The following CTBP2 variants were observed in gnomAD, a reference collection of about 807,000 sequenced individuals.
CTBP2 encodes C-terminal-binding protein 2.
A neutral mutation model predicts 80.3 loss-of-function variants in CTBP2; 30 were observed. The observed-to-expected ratio is 0.37, with a 90% CI of 0.28 to 0.51. The LOEUF is 0.51. Among genes scored for constraint, CTBP2 ranks in the 20% least tolerant of loss-of-function variants. CTBP2 has a pLI of 0.93. For missense variants in CTBP2, 1,212 were observed against 1,375.3 expected (o/e 0.88, Z 1.88); for synonymous variants, 594 against 587.4 (o/e 1.01, Z -0.16).
chr10:124,995,019 T>C (rs1953278728), intron 4 of CTBP2, among the ~76,000 whole-genome samples: 1 of 152,218 alleles, frequency 6.6e-6, no homozygotes, highest in Admixed American at 6.5e-5. Flanking sequence ...TCACCACCCG[T>C]GTCCTCCGTT....
chr10:125,044,410 C>T (rs2135085213), intron 2 of CTBP2, among the ~76,000 whole-genome samples: 1 of 151,914 alleles, frequency 6.6e-6, no homozygotes, highest in Non-Finnish European at 1.5e-5. Flanking sequence ...CCAATGACTT[C>T]TGCCCAGAAA....
rs200960765 is a variant in CTBP2, at chr10:124,993,843, G to A, written c.2531+12C>T. The A allele has an allele frequency of 3.9e-5, 62 of 1,608,426 alleles. No individual in the cohort carries two copies. The highest frequency in any genetic ancestry group is 2.1e-4 in the Middle Eastern group (1 of 4,720). ...CTGTGGGCTCCTGGTAGGCGGCTGGGGCAACACGCACCTGAAGGGCTCTGA... is the reference window on the plus strand; with the variant it reads ...CTGTGGGCTCCTGGTAGGCGGCTGGAGCAACACGCACCTGAAGGGCTCTGA... On this transcript the variant is annotated intron_variant, in intron 6 of 8. Transcript: ENST00000309035.
chr10:125,159,285 C>T (rs1434978169), intron 1 of CTBP2, among the ~76,000 whole-genome samples: 7 of 149,896 alleles, frequency 4.7e-5, no homozygotes, highest in Non-Finnish European at 8.9e-5. Flanking sequence ...ATTCGCCCCA[C>T]CCGAAAAGTG....
At chr10:125,159,244 CCAGCCCCT>C in intron 1 of CTBP2, among the ~76,000 whole-genome samples, 1 of 150,742 alleles carries the variant, frequency 6.6e-6, no homozygotes, top group Non-Finnish European at 1.5e-5. Context: ...CGCGCCCTAG[CCAGCCCCT>C]CCTGCTAAAC....
At position 125,027,070 on chromosome 10, in the gene CTBP2, C is replaced by A. The variant is rs372903716; in HGVS notation, c.690G>T (p.Thr230=). The change falls in exon 1 of 9, where the codon ACG becomes ACT. Residue 230 remains threonine (T), a synonymous_variant. Transcript: ENST00000309035. The stretch of plus-strand genomic sequence containing the variant: ...CTGAACTGGGGTCCACAACCAGGCA[C>A]GTCGGGGCCACCTGTCTGGCAGGGG... The A allele has an allele frequency of 1.2e-6, 2 of 1,612,180 alleles. No individual in the cohort carries two copies. The highest frequency in any genetic ancestry group is 1.7e-5 in the Admixed American group (1 of 59,920).
At chr10:125,044,044 C>CTCAGATCTCACTGTTAA (rs1564787731) in intron 2 of CTBP2, among the ~76,000 whole-genome samples, 1 of 152,138 alleles carries the variant, frequency 6.6e-6, no homozygotes, top group African/African-American at 2.4e-5. Flanking sequence ...ATGAGTGGGG[C>CTCAGATCTCACTGTTAA]GCAGACTTTC....
intron 2 of CTBP2, among the ~76,000 whole-genome samples, chr10:125,110,606 G>A (rs535495677): frequency 6.6e-6 from 1 of 151,076 alleles, no homozygotes; most frequent in East Asian, 1.9e-4. Flanking sequence ...TGACTGACTC[G>A]GGGTGTCATG....
intron 2 of CTBP2, among the ~76,000 whole-genome samples, chr10:125,080,124 T>C (rs945420701): frequency 1.6e-4 from 25 of 152,054 alleles, no homozygotes; most frequent in African/African-American, 6.0e-4. Flanking sequence ...TTTAACAGAG[T>C]ATAAATTTAA....
chr10:125,005,299 C>T (rs1955087324), intron 1 of CTBP2, among the ~76,000 whole-genome samples: 1 of 152,202 alleles, frequency 6.6e-6, no homozygotes, highest in South Asian at 2.1e-4. Flanking sequence ...AAGCTAAGTG[C>T]AGTTCTCCTG....
At chr10:125,017,723 G>A (rs919118953) in intron 1 of CTBP2, among the ~76,000 whole-genome samples, 44 of 152,296 alleles carry the variant, frequency 2.9e-4, no homozygotes, top group Non-Finnish European at 5.3e-4. Flanking sequence ...GTTTGGCCCC[G>A]CAGTCGGAGC....
intron 2 of CTBP2, among the ~76,000 whole-genome samples, chr10:125,049,731 G>C (rs1012753646): frequency 1.4e-4 from 22 of 152,148 alleles, no homozygotes; most frequent in African/African-American, 5.3e-4. Context: ...GGGCTGCCAA[G>C]TGTCCGGAGA....
chr10:125,049,251 G>A (rs1962124701), intron 2 of CTBP2, among the ~76,000 whole-genome samples: 1 of 152,116 alleles, frequency 6.6e-6, no homozygotes, highest in Admixed American at 6.5e-5. Context: ...ACGGGAGACA[G>A]ATGTGCCTAA....
chr10:125,034,663 T>C (rs931476167), intron 3 of CTBP2, among the ~76,000 whole-genome samples: 1 of 152,202 alleles, frequency 6.6e-6, no homozygotes, highest in Non-Finnish European at 1.5e-5. Flanking sequence ...ACTCTGTTTC[T>C]TTACGAAGCG....
intron 1 of CTBP2, among the ~76,000 whole-genome samples, chr10:125,114,327 C>G (rs772673721): frequency 6.6e-6 from 1 of 152,122 alleles, no homozygotes; most frequent in Non-Finnish European, 1.5e-5. Flanking sequence ...TTAAACATCC[C>G]GCGGCAAATG....
At chr10:125,151,331 A>T (rs747467033) in intron 1 of CTBP2, among the ~76,000 whole-genome samples, 2 of 152,128 alleles carry the variant, frequency 1.3e-5, no homozygotes, top group African/African-American at 4.8e-5. Context: ...CGCCGGGGTG[A>T]ACAGCAGAGA....
At chr10:125,005,006 C>T (rs534429064) in intron 1 of CTBP2, among the ~76,000 whole-genome samples, 2 of 152,334 alleles carry the variant, frequency 1.3e-5, no homozygotes, top group South Asian at 4.1e-4. Flanking sequence ...GGGGGGGCTC[C>T]TGCTGGACCA....
intron 2 of CTBP2, among the ~76,000 whole-genome samples, chr10:125,083,354 C>T (rs934682902): frequency 2.9e-4 from 44 of 152,128 alleles, no homozygotes; most frequent in Non-Finnish European, 4.7e-4. Context: ...GTCAACTACT[C>T]GGTGAAAACA....
In CTBP2 at chr10:125,010,219, TAAAAA is replaced by T. The variant is rs59517853; in HGVS notation, c.1679-6732_1679-6728del. 2.2e-3 allele frequency among the ~76,000 whole-genome samples: 237 copies of T among 105,996 alleles called. 2 individuals carry two copies. Among genetic ancestry groups the T allele is most frequent in the African/African-American group, 7.6e-3 (208 of 27,224 alleles). The allele number at this position is 105,996 out of a possible 152,430, so 69.5% of individuals were successfully genotyped here. On this transcript the variant is annotated intron_variant, in intron 1 of 8. Coordinates refer to ENST00000309035, the MANE Select transcript of CTBP2 (RefSeq NM_022802.3). Reference sequence around the variant, plus strand: ...GCTAAGAGTGGCACTATTTTAAGGTTAAAAAAAAAAAAAAAAAAAAAAAGCAACTG... The same window carrying T: ...GCTAAGAGTGGCACTATTTTAAGGTTAAAAAAAAAAAAAAAAAAGCAACTG...
At chr10:124,990,896 C>G (rs1037032742) in intron 8 of CTBP2, among the ~76,000 whole-genome samples, 2 of 152,268 alleles carry the variant, frequency 1.3e-5, no homozygotes, top group Non-Finnish European at 2.9e-5. Context: ...GCAGCCTCAT[C>G]TCAGACTTCC....
Sources: gnomAD v4.1 joint callset for allele counts (sites outside exome capture counted in the v4.1 genomes callset) on GRCh38, gnomAD v4.1.1 for gene constraint, MANE v1.5 for transcripts, NCBI Gene and HGNC (gene_info 2026-07-23, HGNC 2026-07-21) for gene names.